The following CAMK1D variants were observed in gnomAD, a reference collection of about 807,000 sequenced individuals.
CAMK1D encodes the protein calcium/calmodulin dependent protein kinase ID.
CAMK1D carries 9 observed loss-of-function variants against 47.7 expected under a neutral mutation model. That is an observed-to-expected ratio of 0.19 (90% CI 0.11 to 0.33). The LOEUF (loss-of-function observed/expected upper bound fraction) is 0.33. CAMK1D is among the 10% of genes least tolerant of loss of function. The pLI is 1.00. For synonymous variants in CAMK1D, 184 were observed against 184.9 expected, an observed-to-expected ratio of 0.99 and a Z score of 0.04; for missense variants, 291 against 488.7, an observed-to-expected ratio of 0.60 and a Z score of 3.81.
chr10:12,531,602 A>G (rs905468230), intron 1 of CAMK1D, among the ~76,000 whole-genome samples: 2 of 152,220 alleles, frequency 1.3e-5, no homozygotes, highest in African/African-American at 2.4e-5. Context: ...ACGGATCCAA[A>G]CCACGCCTCC....
intron 2 of CAMK1D, among the ~76,000 whole-genome samples, chr10:12,600,051 G>A (rs1838255732): frequency 6.6e-6 from 1 of 152,192 alleles, no homozygotes; most frequent in Non-Finnish European, 1.5e-5. Context: ...GCTGCAGTGA[G>A]CTATGATTGT....
chr10:12,491,476 A>AT (rs377302358), intron 1 of CAMK1D, among the ~76,000 whole-genome samples: 2 of 152,046 alleles, frequency 1.3e-5, no homozygotes, highest in South Asian at 2.1e-4. Context: ...ATGTATATAT[A>AT]TTTTTTTGTT....
At chr10:12,467,443 G>A (rs12257611) in intron 1 of CAMK1D, among the ~76,000 whole-genome samples, 2,860 of 152,198 alleles carry the variant, frequency 0.019, 104 homozygotes, top group African/African-American at 0.064. Flanking sequence ...ATGAGCCACT[G>A]CGCCCAGTCA....
chr10:12,617,563 G>C (rs995125953), intron 2 of CAMK1D, among the ~76,000 whole-genome samples: 1 of 152,172 alleles, frequency 6.6e-6, no homozygotes, highest in African/African-American at 2.4e-5. Context: ...TGCTTTCGGG[G>C]GAGCCGTTTC....
chr10:12,356,004 G>A (rs1211627336), intron 1 of CAMK1D, among the ~76,000 whole-genome samples: 3 of 152,134 alleles, frequency 2.0e-5, no homozygotes, highest in East Asian at 3.8e-4. Flanking sequence ...CTGTCTGAAC[G>A]TAGACTCTTC....
intron 1 of CAMK1D, among the ~76,000 whole-genome samples, chr10:12,375,115 G>T (rs1415920276): frequency 1.3e-5 from 2 of 152,020 alleles, no homozygotes; most frequent in Non-Finnish European, 2.9e-5. Flanking sequence ...TTGCTTTCGG[G>T]AAAATTTTCT....
intron 1 of CAMK1D, among the ~76,000 whole-genome samples, chr10:12,490,003 A>G (rs1190134769): frequency 1.3e-5 from 2 of 152,170 alleles, no homozygotes; most frequent in East Asian, 1.9e-4. Context: ...CGGGGCAGGC[A>G]CACTCACGGG....
chr10:12,777,897 A>T (rs2130954699), intron 5 of CAMK1D, among the ~76,000 whole-genome samples: 1 of 152,354 alleles, frequency 6.6e-6, no homozygotes, highest in African/African-American at 2.4e-5. Context: ...TGAGCAGGGC[A>T]GAGCCCAGCC....
chr10:12,413,075 T>C (rs979140337), intron 1 of CAMK1D, among the ~76,000 whole-genome samples: 1 of 152,276 alleles, frequency 6.6e-6, no homozygotes, highest in South Asian at 2.1e-4. Flanking sequence ...TACCTGAGAC[T>C]GGGTAATTGA....
At chr10:12,353,631 G>A (rs1837413822) in intron 1 of CAMK1D, among the ~76,000 whole-genome samples, 1 of 152,120 alleles carries the variant, frequency 6.6e-6, no homozygotes, top group Non-Finnish European at 1.5e-5. Flanking sequence ...TTGTGGTCTG[G>A]CCTGGGTTGT....
At chr10:12,433,481 G>A (rs990776948) in intron 1 of CAMK1D, among the ~76,000 whole-genome samples, 5 of 151,826 alleles carry the variant, frequency 3.3e-5, no homozygotes, top group Non-Finnish European at 5.9e-5. Context: ...AATTTTGCTT[G>A]GTTATTTAGT....
At chr10:12,576,179 C>G (rs1837483937) in intron 2 of CAMK1D, among the ~76,000 whole-genome samples, 1 of 152,088 alleles carries the variant, frequency 6.6e-6, no homozygotes, top group Non-Finnish European at 1.5e-5. Flanking sequence ...AGTTTTAAGG[C>G]TGTGTAAGTT....
At chr10:12,751,473 T>C (rs1237473172) in intron 3 of CAMK1D, among the ~76,000 whole-genome samples, 2 of 152,172 alleles carry the variant, frequency 1.3e-5, no homozygotes, top group Non-Finnish European at 2.9e-5. Flanking sequence ...GTAAGTACCA[T>C]GCAAGGCTCT....
intron 1 of CAMK1D, among the ~76,000 whole-genome samples, chr10:12,497,939 G>A (rs1277888888): frequency 6.6e-6 from 1 of 152,228 alleles, no homozygotes; most frequent in Non-Finnish European, 1.5e-5. Context: ...CACAGTCATG[G>A]CGGAAGGTGA....
At chr10:12,676,839 A>G (rs45593233) in intron 3 of CAMK1D, among the ~76,000 whole-genome samples, 9,249 of 152,260 alleles carry the variant, frequency 0.061, 300 homozygotes, top group African/African-American at 0.08. Flanking sequence ...AAAATATCCT[A>G]TATTTTGTGG....
intron 3 of CAMK1D, among the ~76,000 whole-genome samples, chr10:12,704,337 T>C (rs1174849961): frequency 1.3e-5 from 2 of 152,176 alleles, no homozygotes; most frequent in African/African-American, 4.8e-5. Flanking sequence ...AAATACGACT[T>C]CATTGTAACC....
intron 1 of CAMK1D, among the ~76,000 whole-genome samples, chr10:12,407,881 A>T: frequency 8.0e-6 from 1 of 125,676 alleles, no homozygotes; most frequent in South Asian, 2.5e-4. Context: ...TTTTTGAGAG[A>T]GACTCTCACT....
intron 1 of CAMK1D, among the ~76,000 whole-genome samples, chr10:12,479,366 T>G (rs993326036): frequency 2.0e-5 from 3 of 151,924 alleles, no homozygotes; most frequent in African/African-American, 7.3e-5. Flanking sequence ...CTGGCTAATT[T>G]TTTGTATTTA....
intron 1 of CAMK1D, among the ~76,000 whole-genome samples, chr10:12,389,987 C>T (rs1838666099): frequency 6.6e-6 from 1 of 151,970 alleles, no homozygotes; most frequent in Admixed American, 6.6e-5. Context: ...GAGGTCCTGC[C>T]CCATGGGGCA....
Sources: allele counts gnomAD v4.1 joint callset (sites outside exome capture counted in the v4.1 genomes callset), GRCh38; gene constraint gnomAD v4.1.1; transcripts MANE v1.5; gene names NCBI Gene and HGNC (gene_info 2026-07-23, HGNC 2026-07-21).